NFAT5: variants seen among roughly 807,000 people sequenced by gnomAD.
NFAT5 encodes the protein nuclear factor of activated T cells 5.
A neutral mutation model predicts 166.5 loss-of-function variants in NFAT5; 31 were observed. That is an observed-to-expected ratio of 0.19 (90% CI 0.14 to 0.25). NFAT5 has a LOEUF of 0.25. Ranked by LOEUF, NFAT5 falls within the 10% of genes least tolerant of loss-of-function variation. NFAT5 has a pLI of 1.00. For synonymous variants in NFAT5, 612 were observed against 639.7 expected (o/e 0.96, Z 0.65); for missense variants, 1,449 against 1,821.8 (o/e 0.80, Z 3.72).
Position 69,653,281 on chromosome 16 carries a change from G to A in NFAT5, c.858G>A (p.Met286Ile). 6.2e-7 allele frequency: 1 copy of A among 1,609,404 alleles called. No homozygotes were observed. Among genetic ancestry groups the A allele is most frequent in the South Asian group, 1.1e-5 (1 of 90,144 alleles). Reference sequence around the variant, plus strand: ...GAACTGGAGTAAAGAAGAGCCCTATGTTGTGTGGACAATATCCTGTTAAAA... The same window carrying A: ...GAACTGGAGTAAAGAAGAGCCCTATATTGTGTGGACAATATCCTGTTAAAA... ...QKGTGVKKSPMLCGQYPVKSE... is the reference protein window; with the variant it reads ...QKGTGVKKSPILCGQYPVKSE... The change falls in exon 5 of 15, where the codon ATG becomes ATA. Residue 286 changes from methionine (M) to isoleucine (I), a missense_variant. Physicochemically the swap from Met to Ile is conservative, Grantham distance 10 (BLOSUM62 1). This residue lies in a region of NFAT5 where 115 missense variants were observed against 177.1 expected (regional missense o/e 0.65). Transcript: ENST00000349945.
At chr16:69,674,677 G>T (rs556078663) in intron 9 of NFAT5, among the ~76,000 whole-genome samples, 1 of 152,180 alleles carries the variant, frequency 6.6e-6, no homozygotes, top group Non-Finnish European at 1.5e-5. Flanking sequence ...ATGGGTCTTT[G>T]GTCAAGTCTA....
At chr16:69,622,911 C>T (rs1378385845) in intron 2 of NFAT5, among the ~76,000 whole-genome samples, 1 of 151,878 alleles carries the variant, frequency 6.6e-6, no homozygotes, top group Non-Finnish European at 1.5e-5. Context: ...TTTGGGAGGC[C>T]GAGGTGGGTG....
At chr16:69,582,837 C>T (rs548574770) in intron 2 of NFAT5, among the ~76,000 whole-genome samples, 7 of 151,638 alleles carry the variant, frequency 4.6e-5, no homozygotes, top group Non-Finnish European at 8.8e-5. Context: ...AGGATTGTTT[C>T]GGCTATTTAA....
intron 10 of NFAT5, among the ~76,000 whole-genome samples, chr16:69,684,546 C>T (rs1273405981): frequency 2.0e-5 from 3 of 151,636 alleles, no homozygotes; most frequent in South Asian, 2.1e-4. Flanking sequence ...GGCAACAGAG[C>T]GAGACTCTGT....
Position 69,692,849 on chromosome 16 carries a change from A to G in NFAT5, c.3024A>G (p.Gly1008=), listed in dbSNP as rs760882458. 2 of 1,614,230 alleles carry G rather than the reference A, an allele frequency of 1.2e-6. No homozygotes were observed. Among genetic ancestry groups the G allele is most frequent in the South Asian group, 2.2e-5 (2 of 91,088 alleles). The part of the protein sequence containing the change: ...TMFQTSSSGD[G]EETGTQAKQI... ...TTCAGACATCAAGTTCAGGAGATGG[A>G]GAAGAAACTGGAACACAAGCAAAAC... Residue 1008 remains glycine, a synonymous_variant, in exon 13 of 15, where the codon GGA becomes GGG. Coordinates refer to ENST00000349945, the MANE Select transcript of NFAT5 (RefSeq NM_138713.4).
intron 4 of NFAT5, among the ~76,000 whole-genome samples, chr16:69,650,775 T>G (rs2035630498): frequency 6.6e-6 from 1 of 152,196 alleles, no homozygotes; most frequent in South Asian, 2.1e-4. Flanking sequence ...AATCTGCTAT[T>G]ATCATTTTGC....
intron 9 of NFAT5, chr16:69,676,879 C>T (rs1466107401): frequency 2.0e-5 from 4 of 204,304 alleles, no homozygotes; most frequent in African/African-American, 9.4e-5. Flanking sequence ...TATAGAGAAT[C>T]TGAGGTAAAA....
chr16:69,620,499 C>G (rs1279328703), intron 2 of NFAT5, among the ~76,000 whole-genome samples: 1 of 152,084 alleles, frequency 6.6e-6, no homozygotes, highest in Non-Finnish European at 1.5e-5. Flanking sequence ...TTTGGAAGGC[C>G]AAGGCAGGAG....
At chr16:69,671,434 G>A (rs544725764) in intron 9 of NFAT5, among the ~76,000 whole-genome samples, 10 of 152,304 alleles carry the variant, frequency 6.6e-5, no homozygotes, top group African/African-American at 2.4e-4. Flanking sequence ...ACAGTGGCGC[G>A]ATTTCAGCTC....
chr16:69,658,817 ACT>A (rs1273206777), intron 6 of NFAT5, among the ~76,000 whole-genome samples: 3 of 152,024 alleles, frequency 2.0e-5, no homozygotes, highest in Non-Finnish European at 4.4e-5. Context: ...ACAGAGCGAG[ACT>A]CTGTCTCAAA....
Position 69,696,628 on chromosome 16 carries a change from C to G in NFAT5, c.*277C>G, listed in dbSNP as rs1432834297. On this transcript the variant is annotated 3_prime_UTR_variant, in exon 15 of 15. Transcript: ENST00000349945. Reference sequence around the variant, plus strand: ...TGGCAGAATTAATTGTTATTATTTTCCTAGGCGCAATTTCCTTAAACGTAC... The same window carrying G: ...TGGCAGAATTAATTGTTATTATTTTGCTAGGCGCAATTTCCTTAAACGTAC... The G allele has an allele frequency of 6.6e-6, 1 of 152,596 alleles. No individual in the cohort carries two copies. The highest frequency in any genetic ancestry group is 1.9e-4 in the East Asian group (1 of 5,206). 9.5% of individuals were successfully genotyped at this position (152,596 alleles called of 1,614,324 possible).
intron 3 of NFAT5, among the ~76,000 whole-genome samples, chr16:69,642,653 CTA>C (rs2035261963): frequency 6.6e-6 from 1 of 151,770 alleles, no homozygotes; most frequent in African/African-American, 2.4e-5. Flanking sequence ...ACTATCTCTA[CTA>C]AAAATACAAA....
chr16:69,691,132 GCTGT>G (rs935878150), intron 12 of NFAT5, 44 bp downstream of exon 12: 6 of 1,430,232 alleles, frequency 4.2e-6, no homozygotes, highest in African/African-American at 1.5e-5. Context: ...TATAAAAATT[GCTGT>G]CTTTTACTTT....
chr16:69,596,604 G>C (rs1231762764), intron 2 of NFAT5, among the ~76,000 whole-genome samples: 1 of 151,672 alleles, frequency 6.6e-6, no homozygotes, highest in Admixed American at 6.6e-5. Flanking sequence ...TGTAATTGCA[G>C]CTACTCAGGA....
At chr16:69,602,818 C>A (rs1597384090) in intron 2 of NFAT5, among the ~76,000 whole-genome samples, 2 of 151,302 alleles carry the variant, frequency 1.3e-5, no homozygotes, top group African/African-American at 4.9e-5. Flanking sequence ...GCCACATTGC[C>A]CAGGTTAGTC....
intron 3 of NFAT5, among the ~76,000 whole-genome samples, chr16:69,635,412 TA>T (rs1230195854): frequency 6.6e-6 from 1 of 152,200 alleles, no homozygotes; most frequent in African/African-American, 2.4e-5. Flanking sequence ...TTTTTGGTCT[TA>T]TTTTGAAGTT....
intron 2 of NFAT5, among the ~76,000 whole-genome samples, chr16:69,585,700 C>T (rs1477831633): frequency 6.6e-6 from 1 of 152,158 alleles, no homozygotes; most frequent in Non-Finnish European, 1.5e-5. Context: ...CCCTTGAAAA[C>T]ATACGCAAAG....
chr16:69,677,382 C>T, intron 10 of NFAT5, 47 bp downstream of exon 10: 2 of 1,479,518 alleles, frequency 1.4e-6, no homozygotes, highest in South Asian at 1.4e-5. Context: ...AATTAATTTC[C>T]AGTTTTTTGA....
At chr16:69,606,202 G>A (rs2033399614) in intron 2 of NFAT5, among the ~76,000 whole-genome samples, 1 of 152,150 alleles carries the variant, frequency 6.6e-6, no homozygotes, top group Non-Finnish European at 1.5e-5. Flanking sequence ...GGTTTCTTCA[G>A]GAAAGACTCA....
Sources: gnomAD v4.1 joint callset for allele counts (sites outside exome capture counted in the v4.1 genomes callset) on GRCh38, gnomAD v4.1.1 for gene constraint, gnomAD v4.1.1 regional missense constraint, MANE v1.5 for transcripts, NCBI Gene and HGNC (gene_info 2026-07-23, HGNC 2026-07-21) for gene names.